Variants in CCDC125 observed in about 807,000 individuals in gnomAD.
CCDC125 encodes the protein coiled-coil domain containing 125, also known as coiled-coil domain-containing protein 125.
Under a neutral mutation model 57.4 loss-of-function variants are expected in CCDC125, and 43 were observed. The ratio of observed to expected loss-of-function variants is 0.75; its 90% confidence interval spans 0.59 to 0.97. The LOEUF is 0.97. Ranked by LOEUF, CCDC125 falls within the 50% of genes least tolerant of loss-of-function variation. The pLI, the probability that CCDC125 is intolerant of heterozygous loss-of-function variation, is 0.00. For synonymous variants in CCDC125, 187 were observed against 195.2 expected (o/e 0.96, Z 0.35); for missense variants, 563 against 595.7 (o/e 0.95, Z 0.57).
chr5:69,287,942 C>A (rs1320958261), intron 10 of CCDC125, among the ~76,000 whole-genome samples: 1 of 152,112 alleles, frequency 6.6e-6, no homozygotes, highest in Non-Finnish European at 1.5e-5. Context: ...GGGAGCTATA[C>A]CCCTCTGAAT....
chr5:69,330,787 T>C (rs374124670), intron 1 of CCDC125, among the ~76,000 whole-genome samples: 19 of 152,146 alleles, frequency 1.2e-4, no homozygotes, highest in African/African-American at 4.6e-4. Flanking sequence ...AACTATGTCA[T>C]TCTTTGCACA....
At chr5:69,288,970 T>C (rs995211107) in intron 10 of CCDC125, among the ~76,000 whole-genome samples, 2 of 152,102 alleles carry the variant, frequency 1.3e-5, no homozygotes, top group Admixed American at 1.3e-4. Flanking sequence ...CTGTGGAAGG[T>C]AGGAATTATG....
intron 9 of CCDC125, chr5:69,294,046 G>T: frequency 1.7e-6 from 1 of 584,674 alleles, no homozygotes; most frequent in Non-Finnish European, 2.2e-6. Context: ...CTAGTAAATG[G>T]TGGAGCAAAG....
intron 8 of CCDC125, among the ~76,000 whole-genome samples, chr5:69,297,953 A>G (rs966804431): frequency 6.6e-6 from 1 of 151,638 alleles, no homozygotes; most frequent in Non-Finnish European, 1.5e-5. Context: ...AGCCTGAGCT[A>G]CAGAGTAAGG....
intron 1 of CCDC125, among the ~76,000 whole-genome samples, chr5:69,325,765 G>A (rs967579907): frequency 2.7e-5 from 4 of 148,182 alleles, no homozygotes; most frequent in South Asian, 2.1e-4. Context: ...TGGATGTTGC[G>A]GTGAGCCAAG....
chr5:69,311,265 G>A, intron 3 of CCDC125, 61 bp from the exon 4 acceptor site: 3 of 1,024,040 alleles, frequency 2.9e-6, no homozygotes. Flanking sequence ...AAAATTATCA[G>A]TTTGGCTAGT....
At chr5:69,325,529 A>G (rs1261166050) in intron 1 of CCDC125, among the ~76,000 whole-genome samples, 2 of 151,834 alleles carry the variant, frequency 1.3e-5, no homozygotes, top group African/African-American at 4.8e-5. Flanking sequence ...ATTTTTTTTA[A>G]GAGACAGGGT....
intron 11 of CCDC125, 143 bp from the exon 12 acceptor site, chr5:69,283,177 AT>A: frequency 5.0e-6 from 3 of 598,572 alleles, no homozygotes; most frequent in Non-Finnish European, 8.5e-6. Context: ...TAAATTAGGT[AT>A]CACCTGATCC....
At chr5:69,275,782 T>A (rs1752065757), downstream of CCDC125, among the ~76,000 whole-genome samples, 1 of 152,192 alleles carries the variant, frequency 6.6e-6, no homozygotes, top group Non-Finnish European at 1.5e-5. Flanking sequence ...AAGACAAGCC[T>A]GGCCAATATA....
chr5:69,273,042 G>A, the CCDC125 span: 7 of 1,506,130 alleles, frequency 4.6e-6, no homozygotes, highest in Non-Finnish European at 6.3e-6. Flanking sequence ...GGCCACACAG[G>A]TATTTTGGTG....
At chr5:69,276,404 T>C (rs1372629493), downstream of CCDC125, 26 of 697,272 alleles carry the variant, frequency 3.7e-5, no homozygotes, top group Non-Finnish European at 4.7e-5. Context: ...TGCAAATACT[T>C]GACATTAATT....
intron 1 of CCDC125, among the ~76,000 whole-genome samples, chr5:69,325,778 C>T (rs1268567497): frequency 1.5e-5 from 2 of 131,548 alleles, no homozygotes; most frequent in Non-Finnish European, 3.1e-5. Flanking sequence ...GAGCCAAGAT[C>T]GTGTCACTGC....
intron 10 of CCDC125, among the ~76,000 whole-genome samples, chr5:69,288,840 A>G (rs1264102767): frequency 6.6e-6 from 1 of 152,208 alleles, no homozygotes; most frequent in East Asian, 1.9e-4. Context: ...GGGAAATGAT[A>G]GGATACCCAG....
intron 3 of CCDC125, chr5:69,313,480 A>T: frequency 9.1e-7 from 1 of 1,098,254 alleles, no homozygotes; most frequent in South Asian, 1.2e-5. Context: ...TTCTTGCTTG[A>T]TTCCTGTCAG....
Position 69,282,511 on chromosome 5 carries a change from A to C in CCDC125, c.*218T>G. 2.3e-6 allele frequency: 1 copy of C among 430,892 alleles called. No homozygotes were observed. The highest frequency in any genetic ancestry group is 3.8e-5 in the East Asian group (1 of 26,330). The allele number at this position is 430,892 out of a possible 1,614,324, so 26.7% of individuals were successfully genotyped here. A position where few individuals can be genotyped will look rare whatever the true frequency, so the allele number is the denominator to read the frequency against. ...GGGAGGCGGAGGTTGCAGTGAACCG[A>C]GATCACACCACTGCACTCCAACCTG... On this transcript the variant is annotated 3_prime_UTR_variant, in exon 12 of 12. Transcript: ENST00000396496.
intron 11 of CCDC125, among the ~76,000 whole-genome samples, chr5:69,284,457 A>C (rs1321634700): frequency 6.6e-6 from 1 of 152,146 alleles, no homozygotes; most frequent in Non-Finnish European, 1.5e-5. Context: ...ATGCCTCAAT[A>C]AACAGGCAGA....
At position 69,313,475 on chromosome 5, in the gene CCDC125, GCTTGATTCCTGTCAGCTT is replaced by G; in HGVS notation, c.366+492_366+509del. On this transcript the variant is annotated intron_variant, in intron 3 of 11. Coordinates refer to ENST00000396496, the MANE Select transcript of CCDC125 (RefSeq NM_176816.5). ...TCATAGTAGTTTGCTTGTAATTCTT[GCTTGATTCCTGTCAGCTT>G]CTTGTTGATGGCGTCCTTGGAGCTG... is the stretch of plus-strand genomic sequence containing the variant. The G allele has an allele frequency of 2.6e-6, 3 of 1,133,482 alleles. No homozygotes were observed. The East Asian group carries it at 7.1e-5, about 27-fold the overall frequency. The allele number at this position is 1,133,482 out of a possible 1,614,324, so 70.2% of individuals were successfully genotyped here.
At chr5:69,294,086 G>T (rs902900381) in intron 9 of CCDC125, 113 of 939,534 alleles carry the variant, frequency 1.2e-4, no homozygotes, top group Non-Finnish European at 1.4e-4. Flanking sequence ...TGGGACAAAG[G>T]TTCCTTTCAC....
intron 10 of CCDC125, among the ~76,000 whole-genome samples, 157 bp from the exon 11 acceptor site, chr5:69,285,624 A>G (rs1753212949): frequency 6.6e-6 from 1 of 152,246 alleles, no homozygotes; most frequent in Admixed American, 6.5e-5. Flanking sequence ...GGAGCAATGC[A>G]GGTGAGAGGC....
Sources: gnomAD v4.1 joint callset for allele counts (sites outside exome capture counted in the v4.1 genomes callset) on GRCh38, gnomAD v4.1.1 for gene constraint, MANE v1.5 for transcripts, NCBI Gene and HGNC (gene_info 2026-07-23, HGNC 2026-07-21) for gene names.